SMYD1: variants seen among roughly 807,000 people sequenced by gnomAD.
The protein encoded by SMYD1 is SET and MYND domain containing 1, also known as histone-lysine N-methyltransferase SMYD1.
In SMYD1, 49 loss-of-function variants were observed where a neutral mutation model predicts 54.0. That is an observed-to-expected ratio of 0.91 (90% CI 0.72 to 1.15). SMYD1 has a LOEUF of 1.15. Ranked by LOEUF, SMYD1 falls within the 50% of genes most tolerant of loss-of-function variation. The pLI is 0.00. For synonymous variants in SMYD1, 269 were observed against 234.2 expected, an observed-to-expected ratio of 1.15 and a Z score of -1.36; for missense variants, 653 against 639.6, an observed-to-expected ratio of 1.02 and a Z score of -0.23.
At chr2:88,102,063 C>CT (rs968500121) in intron 6 of SMYD1, among the ~76,000 whole-genome samples, 48 of 148,098 alleles carry the variant, frequency 3.2e-4, no homozygotes, top group African/African-American at 6.7e-4. Flanking sequence ...CTAGGGATTT[C>CT]TTTTTTTTTT....
At chr2:88,109,085 A>C (rs1258406647) in intron 9 of SMYD1, among the ~76,000 whole-genome samples, 1 of 152,234 alleles carries the variant, frequency 6.6e-6, no homozygotes, top group African/African-American at 2.4e-5. Context: ...TGGAAGGGAC[A>C]GATATCCAAA....
In SMYD1 at chr2:88,112,207, T is replaced by A. The variant is rs1222853726; in HGVS notation, c.*1695T>A. 5 of 697,330 alleles carry A rather than the reference T, an allele frequency of 7.2e-6. No homozygotes were observed. The East Asian group carries it at 1.3e-4, about 19-fold the overall frequency. The allele number at this position is 697,330 out of a possible 1,614,324, so 43.2% of individuals were successfully genotyped here. Reference sequence around the variant, plus strand: ...ACTGGCTAGTTCAAATTATCACTCTTTTACCTTCATATAAAATGTCTCCCC... The same window carrying A: ...ACTGGCTAGTTCAAATTATCACTCTATTACCTTCATATAAAATGTCTCCCC... On this transcript the variant is annotated 3_prime_UTR_variant, in exon 10 of 10. Transcript: ENST00000419482.
chr2:88,106,740 C>T (rs1440887251), intron 8 of SMYD1, among the ~76,000 whole-genome samples: 1 of 152,216 alleles, frequency 6.6e-6, no homozygotes, highest in Non-Finnish European at 1.5e-5. Context: ...GCACATCTAT[C>T]ACTTGGGTGG....
chr2:88,109,748 G>T (rs1206494180), intron 9 of SMYD1, among the ~76,000 whole-genome samples: 1 of 152,136 alleles, frequency 6.6e-6, no homozygotes, highest in Admixed American at 6.5e-5. Context: ...CTTAAAATTG[G>T]CAGGAGGACC....
rs1363662233 is a variant in SMYD1, at chr2:88,106,476, T to C, written c.1133T>C (p.Val378Ala). 1.2e-6 allele frequency: 2 copies of C among 1,613,918 alleles called. No individual in the cohort carries two copies. The highest frequency in any genetic ancestry group is 3.3e-5 in the Admixed American group (2 of 60,012). Residue 378 changes from valine to alanine, a missense_variant, in exon 8 of 10, where the codon GTG (valine) becomes GCG (alanine). Coordinates refer to ENST00000419482, the MANE Select transcript of SMYD1 (RefSeq NM_198274.4). ...GCCTCGTTCTATGCCAGGAGGATGG[T>C]GGACGGCTATATGTAGGTGACGATT... The part of the protein sequence containing the change: ...EEASFYARRM[V>A]DGYMKLYHPN...
At chr2:88,096,334 C>T (rs182765753) in intron 5 of SMYD1, among the ~76,000 whole-genome samples, 1 of 152,338 alleles carries the variant, frequency 6.6e-6, no homozygotes, top group East Asian at 1.9e-4. Context: ...CCAAGCCCAG[C>T]TCTCTACTAG....
intron 7 of SMYD1, among the ~76,000 whole-genome samples, chr2:88,103,947 C>A (rs1310361521): frequency 6.6e-6 from 1 of 151,410 alleles, no homozygotes; most frequent in East Asian, 1.9e-4. Flanking sequence ...AGATTAATTT[C>A]TATTCATTTC....
intron 6 of SMYD1, among the ~76,000 whole-genome samples, chr2:88,100,015 C>G (rs1674685286): frequency 6.6e-6 from 1 of 150,694 alleles, no homozygotes; most frequent in Non-Finnish European, 1.5e-5. Context: ...CCCAGCCCCT[C>G]AGATCCCCCA....
intron 3 of SMYD1, among the ~76,000 whole-genome samples, chr2:88,088,312 C>T (rs1674387092): frequency 6.6e-6 from 1 of 152,214 alleles, no homozygotes; most frequent in South Asian, 2.1e-4. Flanking sequence ...CCTTCCATTT[C>T]TGAGCCCAGG....
At chr2:88,072,220 G>T (rs147463896) in intron 1 of SMYD1, among the ~76,000 whole-genome samples, 1 of 151,176 alleles carries the variant, frequency 6.6e-6, no homozygotes, top group African/African-American at 2.4e-5. Flanking sequence ...GTGAGATCTC[G>T]GCTCACTGCA....
intron 7 of SMYD1, among the ~76,000 whole-genome samples, chr2:88,104,019 T>C (rs1479162864): frequency 1.3e-5 from 2 of 151,026 alleles, no homozygotes; most frequent in Non-Finnish European, 2.9e-5. Context: ...CAGGCTGGAG[T>C]GCAGTGGCAC....
chr2:88,089,717 G>C (rs375300918), intron 3 of SMYD1, among the ~76,000 whole-genome samples: 1 of 150,036 alleles, frequency 6.7e-6, no homozygotes, highest in South Asian at 2.1e-4. Context: ...CTCCCAAGTA[G>C]CTGGGACCAC....
chr2:88,077,881 G>A (rs975905532), intron 1 of SMYD1, among the ~76,000 whole-genome samples: 2 of 151,894 alleles, frequency 1.3e-5, no homozygotes, highest in Non-Finnish European at 2.9e-5. Flanking sequence ...CCGCCACCAC[G>A]CCTGGCTAAT....
intron 2 of SMYD1, among the ~76,000 whole-genome samples, chr2:88,085,469 T>C (rs985031993): frequency 6.6e-6 from 1 of 152,142 alleles, no homozygotes; most frequent in Non-Finnish European, 1.5e-5. Flanking sequence ...CTGGGAGCAT[T>C]TTCACTGTGT....
chr2:88,068,695 G>T (rs1208843554), intron 1 of SMYD1, among the ~76,000 whole-genome samples: 2 of 148,850 alleles, frequency 1.3e-5, no homozygotes, highest in Admixed American at 6.7e-5. Context: ...ACACGTTTTT[G>T]ATGTCTATCC....
intron 3 of SMYD1, 56 bp from the exon 4 acceptor site, chr2:88,090,956 G>A (rs1558852784): frequency 6.4e-7 from 1 of 1,558,358 alleles, no homozygotes; most frequent in South Asian, 1.2e-5. Flanking sequence ...TCAACAGCTA[G>A]GATGTTGTTC....
intron 6 of SMYD1, 106 bp downstream of exon 6, chr2:88,096,890 G>GTGACAGTTGCTCCCT: frequency 1.7e-6 from 2 of 1,154,232 alleles, no homozygotes; most frequent in Non-Finnish European, 2.4e-6. Context: ...GCTTCCTAGG[G>GTGACAGTTGCTCCCT]AGCAACTGTC....
At chr2:88,085,136 G>GA (rs377073859) in intron 2 of SMYD1, among the ~76,000 whole-genome samples, 35 of 148,460 alleles carry the variant, frequency 2.4e-4, no homozygotes, top group Admixed American at 5.4e-4. Flanking sequence ...GACTTCTCTT[G>GA]AAAAAAAAAA....
intron 7 of SMYD1, among the ~76,000 whole-genome samples, chr2:88,103,998 G>A (rs1207984809): frequency 1.6e-4 from 23 of 145,212 alleles, no homozygotes; most frequent in African/African-American, 3.1e-4. Context: ...ATGGAGTCTC[G>A]CTCTGTCACC....
Sources: allele counts gnomAD v4.1 joint callset (sites outside exome capture counted in the v4.1 genomes callset), GRCh38; gene constraint gnomAD v4.1.1; transcripts MANE v1.5; gene names NCBI Gene and HGNC (gene_info 2026-07-23, HGNC 2026-07-21).